Variants in OPN3 observed in about 807,000 individuals in gnomAD.
The protein encoded by OPN3 is opsin 3.
OPN3 carries 29 observed loss-of-function variants against 33.8 expected under a neutral mutation model. The ratio of observed to expected loss-of-function variants is 0.86; its 90% confidence interval spans 0.64 to 1.17. The LOEUF is 1.17. Among genes scored for constraint, OPN3 ranks in the 50% most tolerant of loss-of-function variants. OPN3 has a pLI of 0.00. For synonymous variants in OPN3, 216 were observed against 216.1 expected (o/e 1.00, Z 0.00); for missense variants, 437 against 514.1 (o/e 0.85, Z 1.45).
At chr1:241,604,635 A>G in intron 1 of OPN3, 56 bp from the exon 2 acceptor site, 1 of 1,463,650 alleles carries the variant, frequency 6.8e-7, no homozygotes, top group South Asian at 1.3e-5. Context: ...ACCGGGCATA[A>G]GAGACGTGAT....
chr1:241,635,660 T>G, intron 1 of OPN3: 1 of 1,614,090 alleles, frequency 6.2e-7, no homozygotes, highest in South Asian at 1.1e-5. Flanking sequence ...TGAATCAATA[T>G]GCAGAACCCT....
chr1:241,607,230 T>A (rs768907948), intron 1 of OPN3, among the ~76,000 whole-genome samples: 1 of 152,030 alleles, frequency 6.6e-6, no homozygotes, highest in African/African-American at 2.4e-5. Flanking sequence ...AATAATGGTA[T>A]AAGGCTGGGC....
At chr1:241,600,618 A>G (rs1171141915) in intron 2 of OPN3, 1 of 152,196 alleles carries the variant, frequency 6.6e-6, no homozygotes, top group Non-Finnish European at 1.5e-5. Context: ...TCAAGTGTGT[A>G]GCTATGTCTC....
At chr1:241,633,590 A>C (rs746373558) in intron 1 of OPN3, 16 of 608,166 alleles carry the variant, frequency 2.6e-5, no homozygotes, top group Non-Finnish European at 4.5e-5. Flanking sequence ...CCCATTCTAA[A>C]CAAAATGTTC....
In OPN3 at chr1:241,640,183, C is replaced by CG; in HGVS notation, c.71dup (p.Ala25GlyfsTer96). Reference sequence around the variant, plus strand: ...CGGGGCTCAGTGTCCCCGCCGGCGCCGGCCCCTCAGCGCCCGCGGCCCCGC... The same window carrying CG: ...CGGGGCTCAGTGTCCCCGCCGGCGCCGGGCCCCTCAGCGCCCGCGGCCCCGC... On this transcript the variant is annotated frameshift_variant, in exon 1 of 4. Coordinates refer to ENST00000366554, the MANE Select transcript of OPN3 (RefSeq NM_014322.3). LOFTEE classifies it high-confidence loss of function. 2 of 1,400,264 alleles carry CG rather than the reference C, an allele frequency of 1.4e-6. No homozygotes were observed. Among genetic ancestry groups the CG allele is most frequent in the East Asian group, 5.9e-5 (2 of 33,806 alleles). 86.7% of individuals were successfully genotyped at this position (1,400,264 alleles called of 1,614,324 possible).
intron 1 of OPN3, chr1:241,639,286 T>G (rs1187226114): frequency 6.6e-6 from 1 of 152,246 alleles, no homozygotes; most frequent in African/African-American, 2.4e-5. Context: ...ACAGGGCACA[T>G]GCCAATTTGC....
In OPN3 at chr1:241,639,966, A is replaced by G; in HGVS notation, c.289T>C (p.Phe97Leu). 1.4e-5 allele frequency: 23 copies of G among 1,612,140 alleles called. No homozygotes were observed. The highest frequency in any genetic ancestry group is 1.9e-5 in the Non-Finnish European group (22 of 1,179,238). The change falls in exon 1 of 4, where the codon TTT becomes CTT. Residue 97 changes from phenylalanine (F) to leucine (L), a missense_variant. Phe to Leu is a conservative substitution (Grantham distance 22). Transcript: ENST00000366554. ...TTCCTCAGGCAGGACACGAAGGTAA[A>G]GGTGACCCCGAAGAGGGACACCAGC... The part of the protein sequence containing the change: ...DLLVSLFGVT[F>L]TFVSCLRNGW...
In OPN3 at chr1:241,593,652, T is replaced by C. The variant is rs1222984723; in HGVS notation, c.*776A>G. 1.1e-5 allele frequency: 2 copies of C among 187,264 alleles called. No homozygotes were observed. Among genetic ancestry groups the C allele is most frequent in the East Asian group, 2.3e-4 (2 of 8,668 alleles). The allele number at this position is 187,264 out of a possible 1,614,324, so 11.6% of individuals were successfully genotyped here. A position where few individuals can be genotyped will look rare whatever the true frequency, so the allele number is the denominator to read the frequency against. ...TTTATTAGCGGGTATATGTAATATA[T>C]ATGTGGGAAATACAGGGGAATGAGC... is the stretch of plus-strand genomic sequence containing the variant. On this transcript the variant is annotated 3_prime_UTR_variant, in exon 4 of 4. Coordinates refer to ENST00000366554, the MANE Select transcript of OPN3 (RefSeq NM_014322.3).
chr1:241,625,650 C>T (rs964167029), intron 1 of OPN3, among the ~76,000 whole-genome samples: 3 of 151,996 alleles, frequency 2.0e-5, no homozygotes, highest in Admixed American at 1.3e-4. Context: ...TGAAGATTGG[C>T]GAGGGAAGGT....
At chr1:241,602,579 T>C (rs1663704581) in intron 2 of OPN3, among the ~76,000 whole-genome samples, 1 of 152,158 alleles carries the variant, frequency 6.6e-6, no homozygotes, top group Non-Finnish European at 1.5e-5. Flanking sequence ...GACTGTTATC[T>C]CACTGTGTGC....
chr1:241,623,551 A>C (rs1230079461), intron 1 of OPN3, among the ~76,000 whole-genome samples: 6 of 152,228 alleles, frequency 3.9e-5, no homozygotes, highest in Non-Finnish European at 7.3e-5. Context: ...GACCTTCCAG[A>C]GCCATCTACT....
chr1:241,601,587 T>C (rs1663678890), intron 2 of OPN3, among the ~76,000 whole-genome samples: 1 of 152,100 alleles, frequency 6.6e-6, no homozygotes, highest in Non-Finnish European at 1.5e-5. Context: ...GCACCTGTAA[T>C]CCCAGCTACT....
chr1:241,621,830 T>C (rs1214196145), intron 1 of OPN3, among the ~76,000 whole-genome samples: 1 of 152,160 alleles, frequency 6.6e-6, no homozygotes, highest in East Asian at 1.9e-4. Context: ...TTTTCCCTTC[T>C]GGCATCAACT....
At chr1:241,602,913 T>G (rs995365220) in intron 2 of OPN3, among the ~76,000 whole-genome samples, 1 of 152,188 alleles carries the variant, frequency 6.6e-6, no homozygotes, top group African/African-American at 2.4e-5. Flanking sequence ...GGTAAATGAA[T>G]GCTTAGTGAG....
intron 3 of OPN3, among the ~76,000 whole-genome samples, chr1:241,596,565 C>T (rs555027534): frequency 6.6e-6 from 1 of 152,284 alleles, no homozygotes; most frequent in Admixed American, 6.5e-5. Context: ...AGATTTAGCA[C>T]TGAACATAAT....
At chr1:241,623,247 C>T (rs957349492) in intron 1 of OPN3, among the ~76,000 whole-genome samples, 8 of 152,246 alleles carry the variant, frequency 5.3e-5, no homozygotes, top group African/African-American at 1.9e-4. Context: ...TTTTGCAGTA[C>T]TCTCATTCAC....
chr1:241,615,855 T>C, intron 1 of OPN3: 1 of 456,634 alleles, frequency 2.2e-6, no homozygotes, highest in Non-Finnish European at 4.4e-6. Context: ...ATTGCATACC[T>C]GCATGCAGAT....
chr1:241,607,451 T>G (rs1330128796), intron 1 of OPN3, among the ~76,000 whole-genome samples: 2 of 151,712 alleles, frequency 1.3e-5, no homozygotes, highest in East Asian at 3.9e-4. Flanking sequence ...GAGACAGAGG[T>G]TGCAGTGAGC....
At chr1:241,637,614 A>C (rs1188288584) in intron 1 of OPN3, among the ~76,000 whole-genome samples, 1 of 152,188 alleles carries the variant, frequency 6.6e-6, no homozygotes, top group Non-Finnish European at 1.5e-5. Flanking sequence ...AGAAGACACA[A>C]TCAATAAGCG....
Sources: gnomAD v4.1 joint callset for allele counts (sites outside exome capture counted in the v4.1 genomes callset) on GRCh38, gnomAD v4.1.1 for gene constraint, MANE v1.5 for transcripts, NCBI Gene and HGNC (gene_info 2026-07-23, HGNC 2026-07-21) for gene names.